TRIO: variants seen among roughly 807,000 people sequenced by gnomAD.
TRIO encodes trio Rho guanine nucleotide exchange factor, also known as triple functional domain protein.
In TRIO, 58 loss-of-function variants were observed where a neutral mutation model predicts 351.9. The ratio of observed to expected loss-of-function variants is 0.16; its 90% CI spans 0.13 to 0.21. TRIO has a LOEUF of 0.21. Ranked by LOEUF, TRIO falls within the 10% of genes least tolerant of loss-of-function variation. TRIO has a pLI of 1.00. For synonymous variants in TRIO, 1,758 were observed against 1,595.7 expected (o/e 1.10, Z -2.42); for missense variants, 3,201 against 4,027.8 (o/e 0.79, Z 5.56).
chr5:14,494,363 T>G (rs1484105321), intron 49 of TRIO, among the ~76,000 whole-genome samples: 1 of 152,174 alleles, frequency 6.6e-6, no homozygotes, highest in Non-Finnish European at 1.5e-5. Context: ...TGACAGCACA[T>G]CTGTACACCA....
rs199654149 is a variant in TRIO, at chr5:14,452,889, T to TA, written c.5204-8122dup. ...GATATGGTCCTTTCCCTCCTTTTTT[T>TA]AAAAAAAACTTTTTTTTTAAGGTTT... is the stretch of plus-strand genomic sequence containing the variant. On this transcript the variant is annotated intron_variant, in intron 34 of 56. Transcript: ENST00000344204. Among the ~76,000 whole-genome samples the TA allele has an allele frequency of 6.4e-3, 973 of 151,934 alleles. 2 individuals are homozygous for TA. Among genetic ancestry groups the TA allele is most frequent in the Non-Finnish European group, 0.011 (770 of 67,956 alleles).
intron 49 of TRIO, among the ~76,000 whole-genome samples, chr5:14,494,094 T>G (rs545239583): frequency 1.3e-5 from 2 of 152,362 alleles, no homozygotes; most frequent in Admixed American, 1.3e-4. Flanking sequence ...ATGCAGCTGG[T>G]GGCTTTAAGT....
chr5:14,368,654 C>A, intron 16 of TRIO, 54 bp from the exon 17 acceptor site: 1 of 1,554,606 alleles, frequency 6.4e-7, no homozygotes, highest in East Asian at 2.3e-5. Flanking sequence ...TGGTTCCTTT[C>A]TAGTCAGTGG....
At position 14,465,601 on chromosome 5, in the gene TRIO, G is replaced by A. The variant is rs377061540; in HGVS notation, c.5724G>A (p.Glu1908=). 1 of 1,613,978 alleles carries A rather than the reference G, an allele frequency of 6.2e-7. No homozygotes were observed. The highest frequency in any genetic ancestry group is 8.5e-7 in the Non-Finnish European group (1 of 1,180,028). Residue 1908 remains glutamate (E), a synonymous_variant, in exon 37 of 57, where the codon GAG becomes GAA. Transcript: ENST00000344204. ...PTSSETPSAA[E]LVSAIEELVK... ...GCTCCGAAACACCGAGTGCAGCCGA[G>A]CTCGTCAGTGCAATTGAGGAACTCG...
intron 7 of TRIO, among the ~76,000 whole-genome samples, chr5:14,301,585 GTGTATGTGTA>G (rs1427494992): frequency 6.6e-6 from 1 of 152,142 alleles, no homozygotes. Context: ...ACATATGTGT[GTGTATGTGTA>G]TCAGAGTGAG....
intron 33 of TRIO, among the ~76,000 whole-genome samples, chr5:14,414,744 T>A (rs1415776127): frequency 8.3e-6 from 1 of 120,000 alleles, no homozygotes; most frequent in Non-Finnish European, 1.7e-5. Flanking sequence ...TTTTAAACTC[T>A]AAGTGGCAGA....
At chr5:14,270,970 G>A in intron 2 of TRIO, 71 bp downstream of exon 2, 5 of 1,037,820 alleles carry the variant, frequency 4.8e-6, no homozygotes, top group Admixed American at 2.1e-5. Flanking sequence ...CGTAATAAAT[G>A]AACTCACCTG....
chr5:14,421,231 ATTTTATTTTATTTTAT>A (rs1409668382), intron 34 of TRIO, among the ~76,000 whole-genome samples: 11 of 74,132 alleles, frequency 1.5e-4, no homozygotes, highest in South Asian at 1.3e-3. Context: ...TTATTTATTT[ATTTTATTTTATTTTAT>A]TTTATTTTAT....
intron 24 of TRIO, among the ~76,000 whole-genome samples, chr5:14,388,905 A>G (rs1231497822): frequency 6.6e-6 from 1 of 152,166 alleles, no homozygotes; most frequent in Non-Finnish European, 1.5e-5. Context: ...TAATCCTCTC[A>G]TTCTGTTTAT....
At chr5:14,253,105 A>G (rs1794834860) in intron 1 of TRIO, among the ~76,000 whole-genome samples, 1 of 152,286 alleles carries the variant, frequency 6.6e-6, no homozygotes, top group African/African-American at 2.4e-5. Flanking sequence ...AGTAGTCAAG[A>G]CAAACTCTGC....
intron 36 of TRIO, among the ~76,000 whole-genome samples, chr5:14,465,218 C>T (rs971145822): frequency 1.3e-5 from 2 of 152,170 alleles, no homozygotes; most frequent in Non-Finnish European, 2.9e-5. Context: ...CAGAGCCTTG[C>T]CAGCACTTGC....
chr5:14,394,618 T>C (rs1747404240), intron 28 of TRIO, among the ~76,000 whole-genome samples: 1 of 152,154 alleles, frequency 6.6e-6, no homozygotes, highest in African/African-American at 2.4e-5. Context: ...GGAGAACCCA[T>C]GCCCAGGAGG....
chr5:14,269,157 A>C (rs1055017077), intron 1 of TRIO, among the ~76,000 whole-genome samples: 1 of 152,118 alleles, frequency 6.6e-6, no homozygotes, highest in Non-Finnish European at 1.5e-5. Flanking sequence ...CTAGGACCTC[A>C]TGGTCCTCAG....
chr5:14,233,224 T>C (rs1382713190), intron 1 of TRIO, among the ~76,000 whole-genome samples: 1 of 150,996 alleles, frequency 6.6e-6, no homozygotes, highest in Non-Finnish European at 1.5e-5. Context: ...CTCACGGTTT[T>C]AATCCCAGCA....
intron 47 of TRIO, among the ~76,000 whole-genome samples, chr5:14,486,683 C>A (rs905603692): frequency 6.6e-6 from 1 of 152,182 alleles, no homozygotes; most frequent in African/African-American, 2.4e-5. Context: ...AGTTGAGTAA[C>A]TAGTAATACC....
At chr5:14,422,621 G>C (rs1750269888) in intron 34 of TRIO, among the ~76,000 whole-genome samples, 1 of 152,240 alleles carries the variant, frequency 6.6e-6, no homozygotes, top group Non-Finnish European at 1.5e-5. Flanking sequence ...AGCTGGGCTA[G>C]ACTTGGAAGT....
At chr5:14,195,024 T>A (rs986938310) in intron 1 of TRIO, among the ~76,000 whole-genome samples, 1 of 151,446 alleles carries the variant, frequency 6.6e-6, no homozygotes, top group Non-Finnish European at 1.5e-5. Flanking sequence ...TTTTTTTTTT[T>A]AAACCAAGGA....
intron 46 of TRIO, 31 bp from the exon 47 acceptor site, chr5:14,485,038 C>CTA (rs1286818881): frequency 8.6e-6 from 13 of 1,510,414 alleles, no homozygotes; most frequent in Non-Finnish European, 1.2e-5. Flanking sequence ...CACCTGTTAG[C>CTA]TATTATGAAT....
intron 1 of TRIO, among the ~76,000 whole-genome samples, chr5:14,251,702 C>G (rs1356367239): frequency 2.0e-5 from 3 of 152,156 alleles, no homozygotes; most frequent in East Asian, 1.9e-4. Flanking sequence ...TTGCTCACCT[C>G]GAAGCTACCC....
Sources: gnomAD v4.1 joint callset for allele counts (sites outside exome capture counted in the v4.1 genomes callset) on GRCh38, gnomAD v4.1.1 for gene constraint, MANE v1.5 for transcripts, NCBI Gene and HGNC (gene_info 2026-07-23, HGNC 2026-07-21) for gene names.